CLVS1: variants seen among roughly 807,000 people sequenced by gnomAD.
The protein encoded by CLVS1 is clavesin 1.
Under a neutral mutation model 33.1 loss-of-function variants are expected in CLVS1, and 10 were observed. The observed-to-expected ratio is 0.30, with a 90% CI of 0.19 to 0.51. CLVS1 has a LOEUF of 0.51. Among genes scored for constraint, CLVS1 ranks in the 20% least tolerant of loss-of-function variants. The pLI is 0.97. For synonymous variants in CLVS1, 163 were observed against 166.1 expected, an observed-to-expected ratio of 0.98 and a Z score of 0.14; for missense variants, 343 against 433.4, an observed-to-expected ratio of 0.79 and a Z score of 1.85.
the CLVS1 span, among the ~76,000 whole-genome samples, chr8:61,015,082 C>CA: frequency 6.6e-6 from 1 of 152,162 alleles, no homozygotes; most frequent in Non-Finnish European, 1.5e-5. Context: ...TTTTTGGTCC[C>CA]AAAAAGCATG....
At chr8:61,096,595 AT>A (rs1403147768) in intron 1 of CLVS1, among the ~76,000 whole-genome samples, 3 of 152,224 alleles carry the variant, frequency 2.0e-5, no homozygotes, top group African/African-American at 7.2e-5. Flanking sequence ...GCGAGACTCA[AT>A]GTCTGAACTA....
intron 1 of CLVS1, among the ~76,000 whole-genome samples, chr8:61,122,517 C>G (rs1805891967): frequency 6.7e-6 from 1 of 149,712 alleles, no homozygotes; most frequent in African/African-American, 2.5e-5. Flanking sequence ...TATGCTGAAT[C>G]CTATTTATCA....
chr8:61,361,099 C>T (rs2129599995), intron 2 of CLVS1, among the ~76,000 whole-genome samples: 2 of 152,222 alleles, frequency 1.3e-5, no homozygotes, highest in African/African-American at 4.8e-5. Flanking sequence ...AAGCAGATCT[C>T]ACTATAAGTC....
At chr8:61,154,931 T>C (rs1048291901) in intron 2 of CLVS1, among the ~76,000 whole-genome samples, 1 of 152,144 alleles carries the variant, frequency 6.6e-6, no homozygotes, top group African/African-American at 2.4e-5. Flanking sequence ...CAGCTGATGC[T>C]AATTATTCTC....
chr8:61,355,635 A>T (rs150174401), intron 2 of CLVS1, among the ~76,000 whole-genome samples: 21 of 152,214 alleles, frequency 1.4e-4, no homozygotes, highest in African/African-American at 4.8e-4. Context: ...TCATTGTTCA[A>T]TTCCCACCTA....
intron 2 of CLVS1, among the ~76,000 whole-genome samples, chr8:61,145,802 C>T (rs529070758): frequency 6.6e-6 from 1 of 152,302 alleles, no homozygotes; most frequent in Admixed American, 6.5e-5. Flanking sequence ...TTGTGGGGCA[C>T]TCACAGTATC....
At chr8:61,139,545 C>T (rs923768568) in intron 2 of CLVS1, among the ~76,000 whole-genome samples, 1 of 152,132 alleles carries the variant, frequency 6.6e-6, no homozygotes, top group South Asian at 2.1e-4. Context: ...CGTCAGGGGA[C>T]CGAGCGGAGG....
chr8:61,468,355 C>T (rs916793706), intron 5 of CLVS1, among the ~76,000 whole-genome samples: 1 of 152,102 alleles, frequency 6.6e-6, no homozygotes, highest in Non-Finnish European at 1.5e-5. Context: ...CACAGTGGTA[C>T]TAAGATTTTA....
the CLVS1 span, among the ~76,000 whole-genome samples, chr8:60,975,699 A>G: frequency 6.6e-6 from 1 of 152,128 alleles, no homozygotes; most frequent in Non-Finnish European, 1.5e-5. Flanking sequence ...GTTCGTGTTA[A>G]TTTTTTATGA....
At chr8:61,084,910 C>T (rs6982304) in intron 1 of CLVS1, among the ~76,000 whole-genome samples, 66,689 of 151,998 alleles carry the variant, frequency 0.44, 15,549 homozygotes, top group East Asian at 0.62. Context: ...ATGAAACTAG[C>T]CAGGTATAAG....
chr8:61,078,377 G>T (rs1034296635), intron 1 of CLVS1, among the ~76,000 whole-genome samples: 2 of 152,182 alleles, frequency 1.3e-5, no homozygotes, highest in African/African-American at 2.4e-5. Flanking sequence ...GTGTGTGTTT[G>T]TTTATCTGCC....
At chr8:61,419,858 G>T in intron 3 of CLVS1, among the ~76,000 whole-genome samples, 1 of 152,100 alleles carries the variant, frequency 6.6e-6, no homozygotes, top group Middle Eastern at 3.2e-3. Flanking sequence ...ACATCCAAAG[G>T]GTCCAAGACT....
At chr8:61,420,794 C>G (rs184799769) in intron 3 of CLVS1, among the ~76,000 whole-genome samples, 1 of 151,818 alleles carries the variant, frequency 6.6e-6, no homozygotes, top group Admixed American at 6.6e-5. Context: ...CATGGTGAAA[C>G]GCCATCTCTA....
chr8:61,063,291 G>T (rs1804617246), intron 1 of CLVS1, among the ~76,000 whole-genome samples: 1 of 107,254 alleles, frequency 9.3e-6, no homozygotes, highest in East Asian at 2.4e-4. Context: ...GAGAGAGAGA[G>T]AGATAGAGAG....
At chr8:61,035,187 CTTTTT>C in the CLVS1 span, among the ~76,000 whole-genome samples, 4 of 129,410 alleles carry the variant, frequency 3.1e-5, no homozygotes, top group African/African-American at 8.7e-5. Context: ...TTTCTTTTTT[CTTTTT>C]TTTTTTTTTG....
chr8:61,106,301 C>T (rs772065680), intron 1 of CLVS1, among the ~76,000 whole-genome samples: 18 of 152,242 alleles, frequency 1.2e-4, no homozygotes, highest in Non-Finnish European at 2.5e-4. Flanking sequence ...CACAAGCACA[C>T]ACCAACTACA....
At chr8:61,435,402 T>G (rs1816291888) in intron 3 of CLVS1, among the ~76,000 whole-genome samples, 1 of 152,180 alleles carries the variant, frequency 6.6e-6, no homozygotes, top group Non-Finnish European at 1.5e-5. Context: ...AATTTTGTCT[T>G]TAAAAAATCT....
chr8:61,364,019 A>G (rs1355140850), intron 2 of CLVS1, among the ~76,000 whole-genome samples: 1 of 152,208 alleles, frequency 6.6e-6, no homozygotes. Context: ...GCTCCAAATG[A>G]CTTTGGAAAC....
intron 2 of CLVS1, among the ~76,000 whole-genome samples, chr8:61,365,754 GGTGTGTGTGTGTGTGTGTGTGCGT>G (rs1282451702): frequency 2.0e-5 from 3 of 148,496 alleles, no homozygotes; most frequent in Admixed American, 6.7e-5. Flanking sequence ...CAGTTTACAG[GGTGTGTGTGTGTGTGTGTGTGCGT>G]GTGTGTGTGT....
Sources: allele counts gnomAD v4.1 joint callset (sites outside exome capture counted in the v4.1 genomes callset), GRCh38; gene constraint gnomAD v4.1.1; transcripts MANE v1.5; gene names NCBI Gene and HGNC (gene_info 2026-07-23, HGNC 2026-07-21).